TAFA1: variants seen among roughly 807,000 people sequenced by gnomAD.
TAFA1 encodes chemokine-like protein TAFA-1.
TAFA1 carries 4 observed loss-of-function variants against 18.5 expected under a neutral mutation model. The ratio of observed to expected loss-of-function variants is 0.22; its 90% CI spans 0.11 to 0.49. The LOEUF is 0.49. Among genes scored for constraint, TAFA1 ranks in the 20% least tolerant of loss-of-function variants. The probability of loss-of-function intolerance (pLI) is 0.98; values close to 1 mark genes in which losing one functional copy is unlikely to be tolerated. For synonymous variants in TAFA1, 56 were observed against 55.2 expected (o/e 1.01, Z -0.06); for missense variants, 147 against 169.0 (o/e 0.87, Z 0.72).
At chr3:68,238,590 A>G (rs2107131366) in intron 2 of TAFA1, among the ~76,000 whole-genome samples, 1 of 152,286 alleles carries the variant, frequency 6.6e-6, no homozygotes, top group African/African-American at 2.4e-5. Flanking sequence ...ATTAAATGGG[A>G]CTGTTTAATC....
intron 2 of TAFA1, among the ~76,000 whole-genome samples, chr3:68,272,063 C>T (rs752070492): frequency 8.5e-5 from 13 of 152,150 alleles, no homozygotes; most frequent in Non-Finnish European, 1.2e-4. Flanking sequence ...GAGATCCAAG[C>T]TCTGAGCAGA....
At chr3:68,485,281 C>T (rs2072315492) in intron 3 of TAFA1, among the ~76,000 whole-genome samples, 1 of 152,150 alleles carries the variant, frequency 6.6e-6, no homozygotes, top group Non-Finnish European at 1.5e-5. Flanking sequence ...TAACTGATTC[C>T]AGCCATTTGT....
intron 2 of TAFA1, among the ~76,000 whole-genome samples, chr3:68,324,704 C>T (rs1458343245): frequency 6.6e-6 from 1 of 152,124 alleles, no homozygotes; most frequent in East Asian, 1.9e-4. Context: ...AATCATGTGT[C>T]CTCCCCCCAT....
chr3:68,114,016 T>C (rs1304067477), intron 2 of TAFA1, among the ~76,000 whole-genome samples: 1 of 150,806 alleles, frequency 6.6e-6, no homozygotes, highest in Non-Finnish European at 1.5e-5. Flanking sequence ...ACAATTATCA[T>C]GTCTCAGCCT....
chr3:68,225,471 C>T (rs1329890589), intron 2 of TAFA1, among the ~76,000 whole-genome samples: 1 of 152,072 alleles, frequency 6.6e-6, no homozygotes, highest in African/African-American at 2.4e-5. Flanking sequence ...AATATGGTGC[C>T]ACAGAAGGAA....
intron 2 of TAFA1, among the ~76,000 whole-genome samples, chr3:68,296,121 C>A (rs1169010572): frequency 2.0e-5 from 3 of 152,204 alleles, no homozygotes; most frequent in Non-Finnish European, 2.9e-5. Flanking sequence ...TACTTCTCAT[C>A]AGGGATCCTT....
At chr3:68,509,249 CAAGTT>C (rs1559698976) in intron 3 of TAFA1, among the ~76,000 whole-genome samples, 1 of 152,060 alleles carries the variant, frequency 6.6e-6, no homozygotes, top group Non-Finnish European at 1.5e-5. Flanking sequence ...AAGAATGTAT[CAAGTT>C]AATTAATGAA....
chr3:68,011,115 G>C (rs1470818262), intron 2 of TAFA1, among the ~76,000 whole-genome samples: 1 of 131,304 alleles, frequency 7.6e-6, no homozygotes. Flanking sequence ...ACTTAATTTT[G>C]AATGTGTGTG....
At chr3:68,419,206 A>G (rs145159243) in intron 3 of TAFA1, among the ~76,000 whole-genome samples, 54 of 152,262 alleles carry the variant, frequency 3.5e-4, no homozygotes, top group African/African-American at 1.2e-3. Flanking sequence ...ACAATATCCT[A>G]CAGGTTATAC....
intron 2 of TAFA1, among the ~76,000 whole-genome samples, chr3:68,354,325 C>T (rs764374387): frequency 9.9e-5 from 15 of 152,112 alleles, no homozygotes; most frequent in Non-Finnish European, 1.6e-4. Flanking sequence ...GGATTTCACA[C>T]TTCCCTTGAC....
chr3:68,386,941 T>A (rs2106695110), intron 2 of TAFA1, among the ~76,000 whole-genome samples: 1 of 152,284 alleles, frequency 6.6e-6, no homozygotes, highest in South Asian at 2.1e-4. Context: ...ATCATTCTCT[T>A]GTGTGTATTG....
chr3:68,418,719 G>T (rs761267384), intron 3 of TAFA1, among the ~76,000 whole-genome samples: 15 of 152,052 alleles, frequency 9.9e-5, no homozygotes, highest in Admixed American at 9.2e-4. Flanking sequence ...TACCACTCTG[G>T]GTGCTCCAGA....
intron 2 of TAFA1, among the ~76,000 whole-genome samples, chr3:68,096,420 T>G (rs2065087549): frequency 6.6e-6 from 1 of 152,166 alleles, no homozygotes; most frequent in Non-Finnish European, 1.5e-5. Context: ...AATGTTCTCA[T>G]TTTACAGATC....
chr3:68,412,240 G>T (rs1239573253), intron 2 of TAFA1, among the ~76,000 whole-genome samples: 1 of 152,114 alleles, frequency 6.6e-6, no homozygotes, highest in African/African-American at 2.4e-5. Flanking sequence ...TGTACGTCAG[G>T]GTGGGACAGG....
chr3:68,321,373 A>T (rs931005062), intron 2 of TAFA1, among the ~76,000 whole-genome samples: 1 of 152,196 alleles, frequency 6.6e-6, no homozygotes, highest in Non-Finnish European at 1.5e-5. Flanking sequence ...TCAATAAATT[A>T]GCTGTTAGTA....
intron 2 of TAFA1, among the ~76,000 whole-genome samples, chr3:68,308,139 G>T (rs1435584127): frequency 6.6e-6 from 1 of 152,154 alleles, no homozygotes; most frequent in South Asian, 2.1e-4. Flanking sequence ...AAAAACCTAT[G>T]ATTTATAAGC....
intron 2 of TAFA1, among the ~76,000 whole-genome samples, chr3:68,251,669 G>A (rs946066743): frequency 6.6e-6 from 1 of 152,196 alleles, no homozygotes; most frequent in Admixed American, 6.5e-5. Context: ...TCAGGTGGAA[G>A]AACCATCATG....
At chr3:68,366,082 T>A (rs2069565983) in intron 2 of TAFA1, among the ~76,000 whole-genome samples, 1 of 88,500 alleles carries the variant, frequency 1.1e-5, no homozygotes, top group South Asian at 6.5e-4. Flanking sequence ...CGAGACTCCA[T>A]CTCAAAAAAA....
chr3:68,173,438 ATGAT>A (rs1411257231), intron 2 of TAFA1, among the ~76,000 whole-genome samples: 1 of 152,086 alleles, frequency 6.6e-6, no homozygotes, highest in African/African-American at 2.4e-5. Flanking sequence ...TGGCTCTTGA[ATGAT>A]TTGTGTGATT....
Sources: allele counts gnomAD v4.1 joint callset (sites outside exome capture counted in the v4.1 genomes callset), GRCh38; gene constraint gnomAD v4.1.1; transcripts MANE v1.5; gene names NCBI Gene and HGNC (gene_info 2026-07-23, HGNC 2026-07-21).